Variants in OXR1 observed in about 807,000 individuals in gnomAD.
OXR1 encodes oxidation resistance protein 1.
A neutral mutation model predicts 104.6 loss-of-function variants in OXR1; 41 were observed. The ratio of observed to expected loss-of-function variants is 0.39; its 90% confidence interval spans 0.31 to 0.51. OXR1 has a LOEUF of 0.51. Ranked by LOEUF, OXR1 falls within the 20% of genes least tolerant of loss-of-function variation. The pLI is 0.77. For missense variants in OXR1, 955 were observed against 1,031.9 expected (o/e 0.93, Z 1.02); for synonymous variants, 348 against 348.4 (o/e 1.00, Z 0.01).
At position 106,737,571 on chromosome 8, in the gene OXR1, G is replaced by C; in HGVS notation, c.2008G>C (p.Glu670Gln). The C allele has an allele frequency of 1.4e-6, 2 of 1,416,556 alleles. No homozygotes were observed. The highest frequency in any genetic ancestry group is 3.0e-5 in the South Asian group (2 of 66,310). 87.7% of individuals were successfully genotyped at this position (1,416,556 alleles called of 1,614,324 possible). ...CAGGATCGATGCTCTAAATACTGAA[G>C]AACTGCGCACACTCTGCAGACGCCT... ...HRRIDALNTE[E>Q]LRTLCRRLQI... Residue 670 changes from glutamate to glutamine, a missense_variant, in exon 12 of 17, where the codon GAA becomes CAA. Glu to Gln is a conservative substitution (Grantham distance 29). This residue lies in a region of OXR1 where 849 missense variants were observed against 852.9 expected (regional missense o/e 1.00). Transcript: ENST00000517566.
intron 2 of OXR1, among the ~76,000 whole-genome samples, chr8:106,490,454 G>A (rs930173117): frequency 6.6e-6 from 1 of 152,102 alleles, no homozygotes; most frequent in East Asian, 1.9e-4. Context: ...CGTCTCCCAG[G>A]TTCAAGCTAT....
intron 3 of OXR1, among the ~76,000 whole-genome samples, chr8:106,676,633 T>C (rs1827622995): frequency 6.6e-6 from 1 of 152,156 alleles, no homozygotes; most frequent in East Asian, 1.9e-4. Context: ...CTCTTCTGGC[T>C]TGTAGGGTTT....
chr8:106,666,490 A>G (rs1826348062), intron 3 of OXR1, among the ~76,000 whole-genome samples: 2 of 152,204 alleles, frequency 1.3e-5, no homozygotes, highest in Non-Finnish European at 2.9e-5. Context: ...AATAAGACAG[A>G]CTTTATTCAG....
chr8:106,611,995 T>C (rs1820852071), intron 3 of OXR1, among the ~76,000 whole-genome samples: 1 of 152,188 alleles, frequency 6.6e-6, no homozygotes, highest in Non-Finnish European at 1.5e-5. Context: ...TTTCCAGGAT[T>C]AATTCTGTAT....
intron 1 of OXR1, among the ~76,000 whole-genome samples, chr8:106,324,063 A>G (rs1055215398): frequency 6.6e-6 from 1 of 152,216 alleles, no homozygotes; most frequent in Non-Finnish European, 1.5e-5. Flanking sequence ...ATGCACGTAA[A>G]TGTTCATTGC....
chr8:106,327,858 A>G (rs1412011974), intron 1 of OXR1, among the ~76,000 whole-genome samples: 1 of 152,172 alleles, frequency 6.6e-6, no homozygotes, highest in Non-Finnish European at 1.5e-5. Flanking sequence ...CCAGCATTCT[A>G]TTGTTTTGTG....
At chr8:106,622,189 C>T (rs1398518038) in intron 3 of OXR1, among the ~76,000 whole-genome samples, 1 of 152,124 alleles carries the variant, frequency 6.6e-6, no homozygotes, top group Non-Finnish European at 1.5e-5. Context: ...GCTCTCTTCT[C>T]AGAATAAACC....
intron 11 of OXR1, among the ~76,000 whole-genome samples, chr8:106,726,680 T>TG (rs1339750203): frequency 1.3e-5 from 2 of 152,174 alleles, no homozygotes; most frequent in Non-Finnish European, 2.9e-5. Context: ...TATTATTGAC[T>TG]GGATCTCAAA....
At chr8:106,632,393 T>A (rs2130897895) in intron 3 of OXR1, among the ~76,000 whole-genome samples, 1 of 152,356 alleles carries the variant, frequency 6.6e-6, no homozygotes, top group South Asian at 2.1e-4. Context: ...TGTTTGTTTC[T>A]GGATAATCTT....
intron 2 of OXR1, among the ~76,000 whole-genome samples, chr8:106,515,397 A>G (rs1021552096): frequency 6.6e-6 from 1 of 152,090 alleles, no homozygotes; most frequent in Non-Finnish European, 1.5e-5. Context: ...TGTATAGCAG[A>G]TCTCTTGAAC....
intron 2 of OXR1, among the ~76,000 whole-genome samples, chr8:106,414,721 G>A (rs146016419): frequency 5.7e-4 from 87 of 152,210 alleles, no homozygotes; most frequent in African/African-American, 2.0e-3. Flanking sequence ...TGATAAACAC[G>A]AAGTAGTTTG....
chr8:106,675,605 G>A (rs913933715), intron 3 of OXR1, among the ~76,000 whole-genome samples: 9 of 152,138 alleles, frequency 5.9e-5, no homozygotes, highest in African/African-American at 1.7e-4. Flanking sequence ...TAATTGTATA[G>A]TTTTGAGTGA....
At chr8:106,644,743 A>C (rs749530271) in intron 3 of OXR1, among the ~76,000 whole-genome samples, 1 of 152,020 alleles carries the variant, frequency 6.6e-6, no homozygotes, top group Non-Finnish European at 1.5e-5. Flanking sequence ...AGTCTCATGG[A>C]CCTTTTTCGG....
chr8:106,388,307 C>A (rs1470399231), intron 2 of OXR1, among the ~76,000 whole-genome samples: 2 of 152,198 alleles, frequency 1.3e-5, no homozygotes, highest in Non-Finnish European at 2.9e-5. Flanking sequence ...ACAATGATGT[C>A]CCCATCCAAT....
intron 11 of OXR1, among the ~76,000 whole-genome samples, chr8:106,735,309 A>G (rs1295102354): frequency 6.6e-6 from 1 of 152,074 alleles, no homozygotes; most frequent in Non-Finnish European, 1.5e-5. Flanking sequence ...GTCCTAGAAA[A>G]AAATATAATT....
At chr8:106,573,014 A>G (rs1817583668) in intron 3 of OXR1, among the ~76,000 whole-genome samples, 2 of 152,130 alleles carry the variant, frequency 1.3e-5, no homozygotes, top group African/African-American at 4.8e-5. Flanking sequence ...GTTCTAGTCC[A>G]CAGTTATTAC....
At chr8:106,278,942 TC>T (rs1405652178) in intron 1 of OXR1, among the ~76,000 whole-genome samples, 2 of 152,180 alleles carry the variant, frequency 1.3e-5, no homozygotes, top group Non-Finnish European at 2.9e-5. Flanking sequence ...AATTGGTTTT[TC>T]CATATGTAGT....
At chr8:106,358,724 G>A (rs951763987) in intron 1 of OXR1, among the ~76,000 whole-genome samples, 1 of 152,086 alleles carries the variant, frequency 6.6e-6, no homozygotes, top group African/African-American at 2.4e-5. Context: ...CAAAATACAT[G>A]TGTGGAGATG....
chr8:106,739,945 G>GGAGAA (rs992357151), intron 13 of OXR1, among the ~76,000 whole-genome samples: 2 of 152,112 alleles, frequency 1.3e-5, no homozygotes, highest in African/African-American at 2.4e-5. Flanking sequence ...GGTCACACAG[G>GGAGAA]GAGAAGTATT....
Sources: gnomAD v4.1 joint callset for allele counts (sites outside exome capture counted in the v4.1 genomes callset) on GRCh38, gnomAD v4.1.1 for gene constraint, gnomAD v4.1.1 regional missense constraint, MANE v1.5 for transcripts, NCBI Gene and HGNC (gene_info 2026-07-23, HGNC 2026-07-21) for gene names.